ADGRB3: variants seen among roughly 807,000 people sequenced by gnomAD.
The protein encoded by ADGRB3 is adhesion G protein-coupled receptor B3.
Under a neutral mutation model 193.4 loss-of-function variants are expected in ADGRB3, and 37 were observed. The ratio of observed to expected loss-of-function variants is 0.19; its 90% confidence interval spans 0.15 to 0.25. The LOEUF (loss-of-function observed/expected upper bound fraction) is 0.25, where lower values mean the gene tolerates loss of function less well. Among genes scored for constraint, ADGRB3 ranks in the 10% least tolerant of loss-of-function variants. The pLI is 1.00. For synonymous variants in ADGRB3, 690 were observed against 644.2 expected, an observed-to-expected ratio of 1.07 and a Z score of -1.08; for missense variants, 1,637 against 1,852.9, an observed-to-expected ratio of 0.88 and a Z score of 2.14.
intron 4 of ADGRB3, among the ~76,000 whole-genome samples, chr6:68,935,719 C>G (rs1034966029): frequency 1.3e-5 from 2 of 151,836 alleles, no homozygotes; most frequent in African/African-American, 4.8e-5. Context: ...TTTTGAGTCT[C>G]CTTGAGACAT....
chr6:68,752,895 G>C (rs1209883984), intron 3 of ADGRB3, among the ~76,000 whole-genome samples: 1 of 152,168 alleles, frequency 6.6e-6, no homozygotes, highest in Non-Finnish European at 1.5e-5. Flanking sequence ...AATTCAAGCA[G>C]ACCTTGGGTC....
chr6:68,743,796 T>C (rs1198758956), intron 3 of ADGRB3, among the ~76,000 whole-genome samples: 1 of 152,108 alleles, frequency 6.6e-6, no homozygotes, highest in Non-Finnish European at 1.5e-5. Flanking sequence ...TTGCAGAAAC[T>C]GTTAATTCTG....
At chr6:68,747,139 T>A (rs1404656657) in intron 3 of ADGRB3, among the ~76,000 whole-genome samples, 2 of 152,210 alleles carry the variant, frequency 1.3e-5, no homozygotes, top group Admixed American at 6.5e-5. Flanking sequence ...AAATTATATA[T>A]TCATTACAGG....
chr6:69,165,419 T>C (rs1268899065), intron 17 of ADGRB3, among the ~76,000 whole-genome samples: 1 of 150,742 alleles, frequency 6.6e-6, no homozygotes, highest in Non-Finnish European at 1.5e-5. Context: ...CCAACTTCAC[T>C]TTACACCCCG....
intron 3 of ADGRB3, among the ~76,000 whole-genome samples, chr6:68,724,914 C>A (rs1360390836): frequency 6.6e-6 from 1 of 151,616 alleles, no homozygotes; most frequent in Non-Finnish European, 1.5e-5. Flanking sequence ...TTGCAACTAG[C>A]GTACACACCA....
At chr6:68,748,267 A>G (rs982003996) in intron 3 of ADGRB3, among the ~76,000 whole-genome samples, 2 of 152,142 alleles carry the variant, frequency 1.3e-5, no homozygotes, top group Non-Finnish European at 2.9e-5. Context: ...GCATTAACCC[A>G]AAAGTCCACA....
intron 24 of ADGRB3, among the ~76,000 whole-genome samples, chr6:69,333,672 G>A (rs763674619): frequency 2.7e-5 from 4 of 150,632 alleles, no homozygotes; most frequent in African/African-American, 7.3e-5. Context: ...ATATCTGGCC[G>A]GGCACGGTGG....
chr6:69,202,193 G>C (rs78692807), intron 17 of ADGRB3, among the ~76,000 whole-genome samples: 2 of 152,086 alleles, frequency 1.3e-5, no homozygotes, highest in African/African-American at 4.8e-5. Flanking sequence ...AATGTTGATA[G>C]GCAAGTTGTC....
Position 69,208,198 on chromosome 6 carries a change from A to G in ADGRB3, c.2481-25092A>G, listed in dbSNP as rs567547889. Among the ~76,000 whole-genome samples, 777 of 152,284 alleles carry G rather than the reference A, an allele frequency of 5.1e-3. 11 individuals are homozygous for G. Among genetic ancestry groups the G allele is most frequent in the African/African-American group, 0.018 (742 of 41,550 alleles). ...CAGGGGTGGCTGGGGAAAGAGGCTG[A>G]GTGATGTCCAGAGAACGGGTCATTT... On this transcript the variant is annotated intron_variant, in intron 17 of 31. Coordinates refer to ENST00000370598, the MANE Select transcript of ADGRB3 (RefSeq NM_001704.3).
chr6:69,331,846 T>C, intron 23 of ADGRB3: 2 of 984,802 alleles, frequency 2.0e-6, no homozygotes, highest in Non-Finnish European at 2.4e-6. Flanking sequence ...GAATACACTT[T>C]TTCTCTTAGT....
intron 17 of ADGRB3, among the ~76,000 whole-genome samples, chr6:69,121,253 C>A (rs2150329745): frequency 6.6e-6 from 1 of 152,218 alleles, no homozygotes; most frequent in East Asian, 1.9e-4. Context: ...CAAAGCACAT[C>A]TTGCACCGCC....
intron 3 of ADGRB3, among the ~76,000 whole-genome samples, chr6:68,908,136 T>G (rs1766599804): frequency 6.6e-6 from 1 of 152,042 alleles, no homozygotes; most frequent in Non-Finnish European, 1.5e-5. Flanking sequence ...ATTGCTGTCT[T>G]AATTTCTACA....
At chr6:68,890,588 C>G (rs965891624) in intron 3 of ADGRB3, among the ~76,000 whole-genome samples, 1 of 152,042 alleles carries the variant, frequency 6.6e-6, no homozygotes. Flanking sequence ...CCAATTGTTG[C>G]AAGGGATATA....
intron 3 of ADGRB3, among the ~76,000 whole-genome samples, chr6:68,665,070 T>G (rs1019383027): frequency 1.3e-5 from 2 of 151,768 alleles, no homozygotes; most frequent in African/African-American, 4.8e-5. Context: ...TTCAGCCTTC[T>G]TTACTGGCCA....
chr6:68,833,702 T>C (rs1361681263), intron 3 of ADGRB3, among the ~76,000 whole-genome samples: 3 of 151,930 alleles, frequency 2.0e-5, no homozygotes, highest in Admixed American at 6.6e-5. Context: ...TGCAAATTTG[T>C]TTAAAATAGA....
intron 17 of ADGRB3, among the ~76,000 whole-genome samples, chr6:69,148,681 A>G (rs1488805163): frequency 3.3e-5 from 5 of 152,130 alleles, no homozygotes; most frequent in African/African-American, 4.8e-5. Flanking sequence ...TTTCTTTTAT[A>G]TTACAAAACT....
intron 20 of ADGRB3, among the ~76,000 whole-genome samples, chr6:69,323,658 C>A (rs1368050963): frequency 6.6e-6 from 1 of 151,990 alleles, no homozygotes; most frequent in African/African-American, 2.4e-5. Context: ...TTGCTGTATA[C>A]CTAGCACAGT....
At chr6:69,372,259 A>G (rs1769721456) in intron 29 of ADGRB3, 147 bp from the exon 30 acceptor site, 1 of 407,524 alleles carries the variant, frequency 2.5e-6, no homozygotes, top group Admixed American at 4.8e-5. Context: ...ATGATTCATG[A>G]AATTTTACAT....
intron 6 of ADGRB3, among the ~76,000 whole-genome samples, chr6:68,953,620 A>G (rs1270568707): frequency 6.6e-6 from 1 of 152,224 alleles, no homozygotes; most frequent in Non-Finnish European, 1.5e-5. Context: ...TCTGGAAAAT[A>G]GACTACATAA....
Sources: gnomAD v4.1 joint callset for allele counts (sites outside exome capture counted in the v4.1 genomes callset) on GRCh38, gnomAD v4.1.1 for gene constraint, MANE v1.5 for transcripts, NCBI Gene and HGNC (gene_info 2026-07-23, HGNC 2026-07-21) for gene names.